USP42: variants seen among roughly 807,000 people sequenced by gnomAD.
The protein encoded by USP42 is ubiquitin carboxyl-terminal hydrolase 42.
Under a neutral mutation model 113.0 loss-of-function variants are expected in USP42, and 23 were observed. The observed-to-expected ratio is 0.20, with a 90% CI of 0.15 to 0.29. The LOEUF (loss-of-function observed/expected upper bound fraction) is 0.29, where lower values mean the gene tolerates loss of function less well. USP42 is among the 10% of genes least tolerant of loss of function. USP42 has a pLI of 1.00. For synonymous variants in USP42, 933 were observed against 699.0 expected (o/e 1.33, Z -5.28); for missense variants, 2,174 against 1,779.8 (o/e 1.22, Z -3.99).
chr7:6,156,315 A>G (rs1583697889), intron 15 of USP42, among the ~76,000 whole-genome samples: 1 of 152,344 alleles, frequency 6.6e-6, no homozygotes, highest in Non-Finnish European at 1.5e-5. Flanking sequence ...GGGAAAAGTT[A>G]GCAGAATCCT....
the USP42 span, among the ~76,000 whole-genome samples, chr7:6,089,488 G>C: frequency 6.7e-6 from 1 of 149,610 alleles, no homozygotes; most frequent in African/African-American, 2.5e-5. Context: ...CTTCCACCCA[G>C]AACACTCTTC....
chr7:6,144,851 C>A (rs543277595), intron 9 of USP42, among the ~76,000 whole-genome samples: 3 of 149,388 alleles, frequency 2.0e-5, no homozygotes, highest in African/African-American at 7.4e-5. Flanking sequence ...GCCTGGGCAA[C>A]AGAGTCAGAT....
In USP42 at chr7:6,160,615, ACT is replaced by A. The variant is rs2128531623; in HGVS notation, c.*100_*101del. On this transcript the variant is annotated 3_prime_UTR_variant, in exon 18 of 18. Coordinates refer to ENST00000306177, the MANE Select transcript of USP42 (RefSeq NM_032172.3). ...GCTTAAATTATAAAGATAGACAATA[ACT>A]CTGTTCCAATCTGCGTGGTGCTTCT... 1 of 152,710 alleles carries A rather than the reference ACT, an allele frequency of 6.5e-6. No homozygotes were observed. The highest frequency in any genetic ancestry group is 2.1e-4 in the South Asian group (1 of 4,830). 9.5% of individuals were successfully genotyped at this position (152,710 alleles called of 1,614,324 possible).
At chr7:6,136,085 G>C in intron 4 of USP42, 134 bp downstream of exon 4, 1 of 541,058 alleles carries the variant, frequency 1.8e-6, no homozygotes, top group South Asian at 2.3e-5. Flanking sequence ...GCTCACTGCA[G>C]CTTCCACCTC....
intron 11 of USP42, 89 bp downstream of exon 11, chr7:6,146,337 T>TAAAAA: frequency 3.2e-6 from 2 of 625,344 alleles, no homozygotes; most frequent in Non-Finnish European, 5.1e-6. Flanking sequence ...TTCAGTGTTT[T>TAAAAA]AAAAAAAAAA....
At chr7:6,084,377 T>G in the USP42 span, 1 of 151,282 alleles carries the variant, frequency 6.6e-6, no homozygotes, top group Non-Finnish European at 1.5e-5. Context: ...TTAGTCCTTG[T>G]TGGTATCAAT....
chr7:6,105,161 C>G (rs1319013303), intron 1 of USP42, 129 bp downstream of exon 1: 2 of 145,944 alleles, frequency 1.4e-5, no homozygotes, highest in South Asian at 2.0e-4. Flanking sequence ...GGTGCGGCCC[C>G]TCGCCCGCCT....
At chr7:6,152,186 ATC>A (rs1198357026) in intron 14 of USP42, among the ~76,000 whole-genome samples, 7 of 152,216 alleles carry the variant, frequency 4.6e-5, no homozygotes, top group African/African-American at 1.7e-4. Context: ...CGGTGCTTGC[ATC>A]TCTGCACAGG....
chr7:6,115,665 G>C (rs1779871939), intron 3 of USP42, 142 bp downstream of exon 3: 2 of 1,022,946 alleles, frequency 2.0e-6, no homozygotes, highest in Non-Finnish European at 1.4e-6. Context: ...CCAAGGAGGA[G>C]GACTCAGGAT....
At chr7:6,113,914 C>G (rs1779739601) in intron 2 of USP42, among the ~76,000 whole-genome samples, 1 of 152,192 alleles carries the variant, frequency 6.6e-6, no homozygotes, top group African/African-American at 2.4e-5. Context: ...AGCCACTGTG[C>G]CCGACCCAAT....
At chr7:6,148,307 A>G (rs891816319) in intron 12 of USP42, among the ~76,000 whole-genome samples, 2 of 152,200 alleles carry the variant, frequency 1.3e-5, no homozygotes, top group African/African-American at 4.8e-5. Flanking sequence ...ACTGCACTCC[A>G]GCCTGGGCAA....
At chr7:6,110,185 G>A (rs1779520473) in intron 1 of USP42, among the ~76,000 whole-genome samples, 1 of 152,084 alleles carries the variant, frequency 6.6e-6, no homozygotes, top group Admixed American at 6.6e-5. Flanking sequence ...GGCTACTGTT[G>A]GGCGATTTTA....
intron 4 of USP42, among the ~76,000 whole-genome samples, chr7:6,137,561 T>G (rs1781214423): frequency 6.6e-6 from 1 of 152,258 alleles, no homozygotes; most frequent in South Asian, 2.1e-4. Context: ...TTTCACCATG[T>G]TGGCCAGGCT....
intron 4 of USP42, among the ~76,000 whole-genome samples, chr7:6,137,746 C>T (rs539844064): frequency 6.6e-6 from 1 of 152,320 alleles, no homozygotes; most frequent in South Asian, 2.1e-4. Context: ...GTGGTGCAGT[C>T]TTGGCTCACT....
chr7:6,089,892 C>T, the USP42 span, among the ~76,000 whole-genome samples: 587 of 150,986 alleles, frequency 3.9e-3, 40 homozygotes, highest in African/African-American at 0.014. Flanking sequence ...CTTGCTGTGG[C>T]TGGGCGCAGG....
the USP42 span, chr7:6,081,521 A>T: frequency 5.3e-5 from 8 of 152,200 alleles, no homozygotes; most frequent in South Asian, 2.1e-4. Context: ...CCTTCTCCAG[A>T]CGTAAGACCC....
At chr7:6,115,228 A>C in intron 2 of USP42, 95 bp from the exon 3 acceptor site, 1 of 1,259,762 alleles carries the variant, frequency 7.9e-7, no homozygotes. Flanking sequence ...GAGATTTCGG[A>C]TCTTGTAAAG....
At position 6,159,397 on chromosome 7, in the gene USP42, C is replaced by A. The variant is rs115765978; in HGVS notation, c.3944-53C>A. ...TTAACGCACACACACAGCAGAGGCC[C>A]TGGCGATTTTGCAACCATCATTAAA... On this transcript the variant is annotated intron_variant, in intron 16 of 17. Coordinates refer to ENST00000306177, the MANE Select transcript of USP42 (RefSeq NM_032172.3). The surrounding 1 kb of genome is among the most constrained non-coding windows in gnomAD (Gnocchi z 4.1). 1,868 of 1,613,412 alleles carry A rather than the reference C, an allele frequency of 1.2e-3. 20 individuals carry two copies. In the African/African-American group the frequency reaches 0.022, roughly 19 times the overall value.
At chr7:6,150,955 A>G (rs1382710089) in intron 14 of USP42, among the ~76,000 whole-genome samples, 1 of 152,244 alleles carries the variant, frequency 6.6e-6, no homozygotes, top group Non-Finnish European at 1.5e-5. Flanking sequence ...TGTGGTTGTC[A>G]TGCCAGCACC....
Sources: gnomAD v4.1 joint callset for allele counts (sites outside exome capture counted in the v4.1 genomes callset) on GRCh38, gnomAD v4.1.1 for gene constraint, Gnocchi (gnomAD v3.1) non-coding constraint, MANE v1.5 for transcripts, NCBI Gene and HGNC (gene_info 2026-07-23, HGNC 2026-07-21) for gene names.